The following BCAR3 variants were observed in gnomAD, a reference collection of about 807,000 sequenced individuals.
The protein encoded by BCAR3 is breast cancer anti-estrogen resistance protein 3.
Under a neutral mutation model 80.1 loss-of-function variants are expected in BCAR3, and 37 were observed. The ratio of observed to expected loss-of-function variants is 0.46; its 90% CI spans 0.36 to 0.61. BCAR3 has a LOEUF of 0.61. Among genes scored for constraint, BCAR3 ranks in the 20% least tolerant of loss-of-function variants. BCAR3 has a pLI of 0.00. For synonymous variants in BCAR3, 389 were observed against 418.9 expected (o/e 0.93, Z 0.87); for missense variants, 978 against 1,068.2 (o/e 0.92, Z 1.18).
chr1:93,641,976 A>G (rs1189641473), intron 3 of BCAR3, among the ~76,000 whole-genome samples: 2 of 152,188 alleles, frequency 1.3e-5, no homozygotes, highest in East Asian at 1.9e-4. Context: ...GAAAATAATG[A>G]GTGTGATTAT....
At chr1:93,768,630 G>A (rs1014055258) in intron 2 of BCAR3, among the ~76,000 whole-genome samples, 2 of 152,082 alleles carry the variant, frequency 1.3e-5, no homozygotes, top group Admixed American at 1.3e-4. Flanking sequence ...AAATATGAAG[G>A]GGAAAAAAGT....
intron 3 of BCAR3, among the ~76,000 whole-genome samples, chr1:93,705,330 C>T (rs1473736442): frequency 1.3e-5 from 2 of 152,116 alleles, no homozygotes; most frequent in Non-Finnish European, 2.9e-5. Context: ...TGTATGTGTT[C>T]CGGGCTCCCT....
At chr1:93,664,223 G>A (rs1168742604) in intron 2 of BCAR3, among the ~76,000 whole-genome samples, 3 of 152,144 alleles carry the variant, frequency 2.0e-5, no homozygotes, top group African/African-American at 4.8e-5. Flanking sequence ...GGGTTCAGGC[G>A]ATTCTCCTGC....
In BCAR3 at chr1:93,649,817, T is replaced by C. The variant is rs1676265438; in HGVS notation, c.318-7474A>G. Among the ~76,000 whole-genome samples the C allele has an allele frequency of 3.3e-5, 5 of 151,052 alleles. No individual in the cohort carries two copies. The Admixed American group carries it at 3.3e-4, about 10-fold the overall frequency. ...GACATTGCTATGACCAAACAATTTA[T>C]AAGACCCCAAGTTATCTAGTATTCC... On this transcript the variant is annotated intron_variant, in intron 2 of 11. Coordinates refer to ENST00000260502, the MANE Select transcript of BCAR3 (RefSeq NM_003567.4).
chr1:93,706,839 C>A lies in BCAR3; in HGVS notation c.-62-697G>T, dbSNP rs143850633. 3.0e-3 allele frequency among the ~76,000 whole-genome samples: 463 copies of A among 152,242 alleles called. 2 individuals carry two copies. The highest frequency in any genetic ancestry group is 0.01 in the African/African-American group (425 of 41,536). Reference sequence around the variant, plus strand: ...ATAATTTCTATAGCAACATGGGAATCCATTCATGATCTATTACTAAAGTAA... The same window carrying A: ...ATAATTTCTATAGCAACATGGGAATACATTCATGATCTATTACTAAAGTAA... On this transcript the variant is annotated intron_variant, in intron 2 of 13. Coordinates refer to the BCAR3 transcript ENST00000370244.
chr1:93,619,249 G>A (rs1239884132), intron 3 of BCAR3, among the ~76,000 whole-genome samples: 1 of 151,906 alleles, frequency 6.6e-6, no homozygotes, highest in Non-Finnish European at 1.5e-5. Flanking sequence ...CCCAGCCAAA[G>A]CCATGGTTTT....
intron 5 of BCAR3, among the ~76,000 whole-genome samples, 195 bp downstream of exon 5, chr1:93,588,782 T>A (rs931789602): frequency 6.6e-6 from 1 of 151,242 alleles, no homozygotes. Context: ...CTTCCTCAGC[T>A]CCTGTACCAT....
Position 93,589,829 on chromosome 1 carries a change from A to T in BCAR3, c.487-410T>A, listed in dbSNP as rs149290954. 1.6e-3 allele frequency among the ~76,000 whole-genome samples: 248 copies of T among 152,306 alleles called. 1 individual carries two copies. The highest frequency in any genetic ancestry group is 5.7e-3 in the African/African-American group (238 of 41,576). ...GGGAGGGGATGAGGGCTGTCCAGTA[A>T]AATAGGGTGGTTGGGGAGGTGTCAC... On this transcript the variant is annotated intron_variant, in intron 4 of 11. Transcript: ENST00000260502.
intron 2 of BCAR3, among the ~76,000 whole-genome samples, chr1:93,668,787 C>A (rs180499): frequency 0.013 from 2,029 of 151,372 alleles, 50 homozygotes; most frequent in African/African-American, 0.046. Flanking sequence ...TCTTGACTCA[C>A]TAAAACCTCC....
rs41292651 is a variant in BCAR3, at chr1:93,571,663, A to C, written c.1974+7T>G. 0.023 allele frequency: 37,253 copies of C among 1,614,000 alleles called. 542 individuals carry two copies. Among genetic ancestry groups the C allele is most frequent in the Non-Finnish European group, 0.028 (32,561 of 1,179,882 alleles). On this transcript the variant is annotated splice_region_variant and intron_variant, in intron 9 of 11. Coordinates refer to ENST00000260502, the MANE Select transcript of BCAR3 (RefSeq NM_003567.4). ...ATTAAGTACACATAAAGTAATTGGA[A>C]ATTTACCTGTGGCATTTCCAGGGCT...
chr1:93,752,535 A>G (rs1651594317), intron 2 of BCAR3, among the ~76,000 whole-genome samples: 1 of 152,270 alleles, frequency 6.6e-6, no homozygotes, highest in Admixed American at 6.5e-5. Context: ...AATAATAGGA[A>G]GTACCAAAGG....
intron 8 of BCAR3, among the ~76,000 whole-genome samples, chr1:93,573,633 ATT>A (rs1156233219): frequency 7.2e-6 from 1 of 138,298 alleles, no homozygotes; most frequent in African/African-American, 2.8e-5. Flanking sequence ...TATTATTATT[ATT>A]TTTTTTTTTT....
chr1:93,831,457 C>T (rs1654560914), intron 2 of BCAR3, among the ~76,000 whole-genome samples: 1 of 152,150 alleles, frequency 6.6e-6, no homozygotes, highest in South Asian at 2.1e-4. Context: ...GAGAATGGCA[C>T]TTTCGATTTG....
At chr1:93,800,625 CTTTA>C (rs1342238199) in intron 2 of BCAR3, among the ~76,000 whole-genome samples, 2 of 151,962 alleles carry the variant, frequency 1.3e-5, no homozygotes, top group East Asian at 1.9e-4. Context: ...GCATCAAGTT[CTTTA>C]TTTGTCTTAA....
chr1:93,630,965 T>C (rs537051104), intron 3 of BCAR3, among the ~76,000 whole-genome samples: 10 of 152,384 alleles, frequency 6.6e-5, no homozygotes, highest in African/African-American at 2.4e-4. Flanking sequence ...TGGATTTGTA[T>C]TAGTTTCCAG....
chr1:93,666,035 T>C (rs759353219), intron 2 of BCAR3, among the ~76,000 whole-genome samples: 1 of 152,236 alleles, frequency 6.6e-6, no homozygotes, highest in Non-Finnish European at 1.5e-5. Flanking sequence ...ACCTGCTCCC[T>C]GTACTTTTAC....
At chr1:93,760,671 C>A (rs1036008384) in intron 2 of BCAR3, among the ~76,000 whole-genome samples, 42 of 152,036 alleles carry the variant, frequency 2.8e-4, no homozygotes, top group African/African-American at 1.0e-3. Flanking sequence ...AAACTTCTTG[C>A]TGCAGGCACA....
chr1:93,589,339 G>C lies in BCAR3; in HGVS notation c.567C>G (p.Thr189=). ...SLSSPGNFVL[T]CQWKNLAQHF... is the part of the protein sequence containing the mutation. Reference sequence around the variant, plus strand: ...GCTGAGCGAGGTTCTTCCACTGACAGGTCAGGACAAAGTTCCCAGGGCTGG... The same window carrying C: ...GCTGAGCGAGGTTCTTCCACTGACACGTCAGGACAAAGTTCCCAGGGCTGG... The change falls in exon 5 of 12, where the codon ACC becomes ACG. Residue 189 remains threonine (T), a synonymous_variant. Coordinates refer to ENST00000260502, the MANE Select transcript of BCAR3 (RefSeq NM_003567.4). 1 of 1,614,174 alleles carries C rather than the reference G, an allele frequency of 6.2e-7. No homozygotes were observed. The highest frequency in any genetic ancestry group is 1.6e-4 in the Middle Eastern group (1 of 6,062).
chr1:93,837,654 C>T (rs1462138106), intron 2 of BCAR3, among the ~76,000 whole-genome samples: 3 of 152,234 alleles, frequency 2.0e-5, no homozygotes, highest in Non-Finnish European at 4.4e-5. Context: ...CCTAGCCAAT[C>T]AGGCTCCACT....
Sources: gnomAD v4.1 joint callset for allele counts (sites outside exome capture counted in the v4.1 genomes callset) on GRCh38, gnomAD v4.1.1 for gene constraint, MANE v1.5 for transcripts, NCBI Gene and HGNC (gene_info 2026-07-23, HGNC 2026-07-21) for gene names.